RBM47: variants seen among roughly 807,000 people sequenced by gnomAD.
The protein encoded by RBM47 is RNA-binding protein 47.
Under a neutral mutation model 47.1 loss-of-function variants are expected in RBM47, and 21 were observed. The ratio of observed to expected loss-of-function variants is 0.45; its 90% CI spans 0.32 to 0.64. The LOEUF (loss-of-function observed/expected upper bound fraction) is 0.64, where lower values mean the gene tolerates loss of function less well. Ranked by LOEUF, RBM47 falls within the 30% of genes least tolerant of loss-of-function variation. The probability of loss-of-function intolerance (pLI) is 0.05; values close to 1 mark genes in which losing one functional copy is unlikely to be tolerated. For synonymous variants in RBM47, 375 were observed against 361.7 expected (o/e 1.04, Z -0.42); for missense variants, 708 against 870.9 (o/e 0.81, Z 2.35).
intron 6 of RBM47, among the ~76,000 whole-genome samples, chr4:40,430,520 A>G (rs1019367225): frequency 1.3e-5 from 2 of 152,202 alleles, no homozygotes; most frequent in Non-Finnish European, 1.5e-5. Context: ...TTTACAACCA[A>G]TTCCTCTTTT....
intron 1 of RBM47, among the ~76,000 whole-genome samples, chr4:40,588,442 A>G: frequency 6.6e-6 from 1 of 152,322 alleles, no homozygotes. Flanking sequence ...CTTTCCTCAA[A>G]GGAGGACCAT....
At chr4:40,433,158 G>A (rs369535093) in intron 5 of RBM47, among the ~76,000 whole-genome samples, 1 of 151,848 alleles carries the variant, frequency 6.6e-6, no homozygotes, top group Non-Finnish European at 1.5e-5. Context: ...ACAGGGTTTC[G>A]CCACGTTGCC....
chr4:40,581,465 TA>T (rs1242103096), intron 1 of RBM47, among the ~76,000 whole-genome samples: 1 of 150,400 alleles, frequency 6.6e-6, no homozygotes, highest in East Asian at 1.9e-4. Context: ...AATAAATAAA[TA>T]AAAGGAGAGG....
Position 40,464,266 on chromosome 4 carries a change from A to C in RBM47, c.-32+2311T>G, listed in dbSNP as rs551567752. Among the ~76,000 whole-genome samples, 5 of 152,342 alleles carry C rather than the reference A, an allele frequency of 3.3e-5. No individual in the cohort carries two copies. In the South Asian group the frequency reaches 8.3e-4, roughly 25 times the overall value. On this transcript the variant is annotated intron_variant, in intron 3 of 6. Transcript: ENST00000295971. The stretch of plus-strand genomic sequence containing the variant: ...TAAAGATATGCGGTAGTCCCCCTTC[A>C]TCTGAGGAGGACCTGTTCCAAGACC...
intron 2 of RBM47, among the ~76,000 whole-genome samples, chr4:40,518,516 T>G (rs1404229332): frequency 6.6e-6 from 1 of 152,122 alleles, no homozygotes. Flanking sequence ...ATCAAGTATT[T>G]GATATATGAC....
chr4:40,482,758 G>A (rs1720593281), intron 2 of RBM47, among the ~76,000 whole-genome samples: 1 of 152,118 alleles, frequency 6.6e-6, no homozygotes, highest in Non-Finnish European at 1.5e-5. Flanking sequence ...GCCAAGAAAC[G>A]GAAATTTTTC....
chr4:40,427,529 A>G (rs1424660133), intron 6 of RBM47: 1 of 152,222 alleles, frequency 6.6e-6, no homozygotes, highest in Non-Finnish European at 1.5e-5. Flanking sequence ...TAGTTCTGTG[A>G]GATGCTTCAT....
chr4:40,574,052 T>A (rs74868702), intron 1 of RBM47, among the ~76,000 whole-genome samples: 1 of 152,148 alleles, frequency 6.6e-6, no homozygotes. Flanking sequence ...GTTTAGAATA[T>A]TTTTCACTTA....
At chr4:40,531,936 T>C (rs899185062) in intron 2 of RBM47, among the ~76,000 whole-genome samples, 8 of 151,994 alleles carry the variant, frequency 5.3e-5, no homozygotes, top group Non-Finnish European at 8.8e-5. Context: ...ACAGGAGTTC[T>C]AGACCTGGGT....
At chr4:40,531,490 G>T (rs1292926184) in intron 2 of RBM47, among the ~76,000 whole-genome samples, 1 of 151,930 alleles carries the variant, frequency 6.6e-6, no homozygotes, top group Non-Finnish European at 1.5e-5. Context: ...GTGGGTCTGG[G>T]TTATGACTTT....
intron 2 of RBM47, among the ~76,000 whole-genome samples, chr4:40,478,342 G>A (rs1022649075): frequency 6.6e-6 from 1 of 152,294 alleles, no homozygotes. Flanking sequence ...GCTCTGGCTT[G>A]CAACAAGCTT....
chr4:40,627,978 A>C (rs1355436792), intron 1 of RBM47, among the ~76,000 whole-genome samples: 1 of 152,240 alleles, frequency 6.6e-6, no homozygotes, highest in Non-Finnish European at 1.5e-5. Context: ...ATAAATCTTT[A>C]ATAATTGATT....
At position 40,546,571 on chromosome 4, in the gene RBM47, A is replaced by T. The variant is rs145867684; in HGVS notation, c.-239-2065T>A. On this transcript the variant is annotated intron_variant, in intron 1 of 6. Transcript: ENST00000295971. ...ACTACAACGTACCTCTTGGATAAGA[A>T]AATACTGGGCTATGCTAACTCCTGC... is the stretch of plus-strand genomic sequence containing the variant. Among the ~76,000 whole-genome samples the T allele has an allele frequency of 2.2e-3, 334 of 152,296 alleles. 3 individuals carry two copies. Among genetic ancestry groups the T allele is most frequent in the Middle Eastern group, 0.017 (5 of 294 alleles).
chr4:40,616,088 C>A (rs986921047), intron 1 of RBM47, among the ~76,000 whole-genome samples: 1 of 152,172 alleles, frequency 6.6e-6, no homozygotes, highest in Non-Finnish European at 1.5e-5. Context: ...TGCGGTGGCT[C>A]ACGCTTGTAA....
Position 40,445,469 on chromosome 4 carries a change from T to TTTCA in RBM47, c.-31-6549_-31-6546dup, listed in dbSNP as rs532413245. Among the ~76,000 whole-genome samples, 451 of 152,228 alleles carry TTTCA rather than the reference T, an allele frequency of 3.0e-3. 2 individuals carry two copies. Among genetic ancestry groups the TTTCA allele is most frequent in the Non-Finnish European group, 4.0e-3 (271 of 68,020 alleles). ...CCAAAAGAGATACAAGAGGGTTTGT[T>TTTCA]TTCATTCATTCATTCATTCATTCAG... is the stretch of plus-strand genomic sequence containing the variant. On this transcript the variant is annotated intron_variant, in intron 3 of 6. Coordinates refer to ENST00000295971, the MANE Select transcript of RBM47 (RefSeq NM_001098634.2).
chr4:40,438,852 C>T lies in RBM47; in HGVS notation c.42G>A (p.Ser14=), dbSNP rs748389910. The part of the protein sequence containing the change: ...EDSTAAMSSD[S]AAGSSAKVPE... ...GCACCTTGGCGGAGGACCCGGCGGC[C>T]GAGTCACTGCTCATGGCTGCGGTGG... is the stretch of plus-strand genomic sequence containing the variant. The change falls in exon 4 of 7, where the codon TCG becomes TCA. Residue 14 remains serine, a synonymous_variant. Transcript: ENST00000295971. The T allele has an allele frequency of 8.3e-6, 13 of 1,558,950 alleles. No homozygotes were observed. In the South Asian group the frequency reaches 1.4e-4, roughly 17 times the overall value.
chr4:40,584,075 C>T (rs937021413), intron 1 of RBM47, among the ~76,000 whole-genome samples: 5 of 152,062 alleles, frequency 3.3e-5, no homozygotes, highest in African/African-American at 4.8e-5. Flanking sequence ...AGCGATCCTC[C>T]TACCTCAGCC....
chr4:40,427,285 G>A (rs560104384), intron 6 of RBM47: 131 of 152,352 alleles, frequency 8.6e-4, no homozygotes, highest in African/African-American at 3.0e-3. Context: ...CAGCAGCGGG[G>A]ATATTCGAGC....
intron 2 of RBM47, among the ~76,000 whole-genome samples, chr4:40,537,275 C>CT (rs1276340664): frequency 1.7e-5 from 2 of 116,916 alleles, no homozygotes; most frequent in African/African-American, 1.0e-4. Context: ...CCATGCCCAG[C>CT]TATTTTTTTT....
Sources: allele counts gnomAD v4.1 joint callset (sites outside exome capture counted in the v4.1 genomes callset), GRCh38; gene constraint gnomAD v4.1.1; transcripts MANE v1.5; gene names NCBI Gene and HGNC (gene_info 2026-07-23, HGNC 2026-07-21).